Variants in RHOQ observed in about 807,000 individuals in gnomAD.
RHOQ encodes ras homolog family member Q.
RHOQ carries 7 observed loss-of-function variants against 25.8 expected under a neutral mutation model. That is an observed-to-expected ratio of 0.27 (90% CI 0.15 to 0.51). The LOEUF is 0.51. Ranked by LOEUF, RHOQ falls within the 20% of genes least tolerant of loss-of-function variation. The probability of loss-of-function intolerance (pLI) is 0.97; values close to 1 mark genes in which losing one functional copy is unlikely to be tolerated. For synonymous variants in RHOQ, 97 were observed against 98.6 expected (o/e 0.98, Z 0.10); for missense variants, 165 against 260.6 (o/e 0.63, Z 2.53).
intron 2 of RHOQ, among the ~76,000 whole-genome samples, chr2:46,545,283 CAA>C: frequency 6.6e-6 from 1 of 152,260 alleles, no homozygotes. Context: ...TATTGATAAA[CAA>C]GAGGTTGACC....
chr2:46,543,343 C>A (rs1667900733), intron 1 of RHOQ, 155 bp downstream of exon 1: 1 of 749,320 alleles, frequency 1.3e-6, no homozygotes, highest in Non-Finnish European at 2.2e-6. Context: ...CCCGAAGCTT[C>A]GCTCCTGGCA....
rs1012663515 is a variant in RHOQ at position 46,555,963 on chromosome 2, T to G, written c.201+12151T>G. ...GTGTCAAACTGCTTGATATGTAAGTTTCCTCCTCTTTCCTTTGTTTTATTT... is the reference window on the plus strand; with the variant it reads ...GTGTCAAACTGCTTGATATGTAAGTGTCCTCCTCTTTCCTTTGTTTTATTT... On this transcript the variant is annotated intron_variant, in intron 2 of 4. Transcript: ENST00000238738. This position sits in a 1 kb window ranked among gnomAD's most constrained non-coding sequence, Gnocchi z 4.3. Among the ~76,000 whole-genome samples, 24 of 152,116 alleles carry G rather than the reference T, an allele frequency of 1.6e-4. No individual in the cohort carries two copies. Among genetic ancestry groups the G allele is most frequent in the Non-Finnish European group, 3.4e-4 (23 of 68,010 alleles).
intron 2 of RHOQ, among the ~76,000 whole-genome samples, chr2:46,546,454 ATATATATATATATATATATG>A (rs1558680256): frequency 4.4e-4 from 2 of 4,560 alleles, no homozygotes; most frequent in African/African-American, 7.7e-4. Context: ...ACATATACAT[ATATATATATATATATATATG>A]TGTATATATA....
At chr2:46,543,308 C>T in intron 1 of RHOQ, 120 bp downstream of exon 1, 1 of 1,188,392 alleles carries the variant, frequency 8.4e-7, no homozygotes, top group Non-Finnish European at 1.2e-6. Flanking sequence ...CCCGCCGCGC[C>T]CTCTGCCAGG....
At chr2:46,543,679 G>T in intron 1 of RHOQ, 75 bp from the exon 2 acceptor site, 1 of 1,371,274 alleles carries the variant, frequency 7.3e-7, no homozygotes, top group Non-Finnish European at 1.0e-6. Context: ...AGGAGGGTCC[G>T]GGTGGGGAGC....
intron 2 of RHOQ, among the ~76,000 whole-genome samples, chr2:46,559,495 C>T (rs1048143765): frequency 6.6e-6 from 1 of 152,142 alleles, no homozygotes; most frequent in Non-Finnish European, 1.5e-5. Context: ...CTGAGCTTCC[C>T]TGTTGGTCAG....
At chr2:46,562,651 G>A (rs2104005082) in intron 2 of RHOQ, among the ~76,000 whole-genome samples, 1 of 152,304 alleles carries the variant, frequency 6.6e-6, no homozygotes, top group Admixed American at 6.5e-5. Context: ...TGTGCAAAGT[G>A]GGCCGAGAGG....
intron 2 of RHOQ, among the ~76,000 whole-genome samples, chr2:46,553,925 C>T (rs1668329242): frequency 6.6e-6 from 1 of 152,118 alleles, no homozygotes; most frequent in South Asian, 2.1e-4. Context: ...CCGCCAAACC[C>T]CCAACTACAC....
At chr2:46,560,683 G>A (rs1572744131) in intron 2 of RHOQ, 1 of 454,432 alleles carries the variant, frequency 2.2e-6, no homozygotes, top group East Asian at 7.0e-5. Flanking sequence ...CTTACTGTTG[G>A]ACAGAGGTAG....
Position 46,581,113 on chromosome 2 carries a change from C to G in RHOQ, c.*30C>G. Reference sequence around the variant, plus strand: ...CATCTTCAGTGGCCAAGGAAACTGTCCATTTCTCTCAGAAAGCAAATGAAA... The same window carrying G: ...CATCTTCAGTGGCCAAGGAAACTGTGCATTTCTCTCAGAAAGCAAATGAAA... On this transcript the variant is annotated 3_prime_UTR_variant, in exon 5 of 5. Coordinates refer to ENST00000238738, the MANE Select transcript of RHOQ (RefSeq NM_012249.4). 1.4e-6 allele frequency: 2 copies of G among 1,442,868 alleles called. No homozygotes were observed. Among genetic ancestry groups the G allele is most frequent in the South Asian group, 2.9e-5 (2 of 69,730 alleles). The allele number at this position is 1,442,868 out of a possible 1,614,324, so 89.4% of individuals were successfully genotyped here.
At position 46,581,466 on chromosome 2, in the gene RHOQ, C is replaced by T; in HGVS notation, c.*383C>T. ...CAGAATCTGCACAAAGAAATATCTC[C>T]CTTTGCTCCAGTTAATTGTTCTTGT... On this transcript the variant is annotated 3_prime_UTR_variant, in exon 5 of 5. Transcript: ENST00000238738. 1 of 1,609,056 alleles carries T rather than the reference C, an allele frequency of 6.2e-7. No homozygotes were observed. The highest frequency in any genetic ancestry group is 8.5e-7 in the Non-Finnish European group (1 of 1,178,228).
chr2:46,555,151 C>T lies in RHOQ; in HGVS notation c.201+11339C>T, dbSNP rs533264968. On this transcript the variant is annotated intron_variant, in intron 2 of 4. Transcript: ENST00000238738. The surrounding 1 kb of genome is among the most constrained non-coding windows in gnomAD (Gnocchi z 4.3). The stretch of plus-strand genomic sequence containing the variant: ...GAGAGCTTTGGGTATTCATCCACTG[C>T]AGAAAGTGAGAAGTCCAACTGAGGC... Among the ~76,000 whole-genome samples, 3 of 152,238 alleles carry T rather than the reference C, an allele frequency of 2.0e-5. No homozygotes were observed. Among genetic ancestry groups the T allele is most frequent in the African/African-American group, 7.2e-5 (3 of 41,456 alleles).
chr2:46,544,578 T>C (rs1667987580), intron 2 of RHOQ, among the ~76,000 whole-genome samples: 1 of 152,226 alleles, frequency 6.6e-6, no homozygotes, highest in African/African-American at 2.4e-5. Flanking sequence ...GGCCAGGCTG[T>C]GCTTCTAAAG....
At chr2:46,545,911 G>A (rs898789479) in intron 2 of RHOQ, among the ~76,000 whole-genome samples, 1 of 152,082 alleles carries the variant, frequency 6.6e-6, no homozygotes, top group Non-Finnish European at 1.5e-5. Flanking sequence ...TTTTAGTGGA[G>A]GATCATAAGA....
In RHOQ at chr2:46,583,386, G is replaced by GTAATCAT. The variant is rs1260542991; in HGVS notation, c.*2305_*2311dup. Among the ~76,000 whole-genome samples the GTAATCAT allele has an allele frequency of 9.7e-4, 148 of 152,182 alleles. 1 individual carries two copies. The highest frequency in any genetic ancestry group is 1.6e-4 in the Non-Finnish European group (11 of 67,964). ...TATCACAGTAATTTTCTTATTCACA[G>GTAATCAT]TAATCATTGTTGGATGTTACCTTTT... On this transcript the variant is annotated 3_prime_UTR_variant, in exon 5 of 5. Coordinates refer to ENST00000238738, the MANE Select transcript of RHOQ (RefSeq NM_012249.4).
chr2:46,553,374 T>A, intron 2 of RHOQ, among the ~76,000 whole-genome samples: 1 of 152,108 alleles, frequency 6.6e-6, no homozygotes, highest in Non-Finnish European at 1.5e-5. Flanking sequence ...GGCGTAAACA[T>A]TTGTGGGGCA....
rs1388737658 is a variant in RHOQ, at chr2:46,583,544, TG to T, written c.*2462del. Among the ~76,000 whole-genome samples, 4 of 152,194 alleles carry T rather than the reference TG, an allele frequency of 2.6e-5. No homozygotes were observed. Among genetic ancestry groups the T allele is most frequent in the African/African-American group, 4.8e-5 (2 of 41,466 alleles). On this transcript the variant is annotated 3_prime_UTR_variant, in exon 5 of 5. Transcript: ENST00000238738. ...CCTTGATGGGTTTGGAGTTCCCCATTGCTTATCAAGAGCTTTTTAATTGCTT... is the reference window on the plus strand; with the variant it reads ...CCTTGATGGGTTTGGAGTTCCCCATTCTTATCAAGAGCTTTTTAATTGCTT...
intron 2 of RHOQ, among the ~76,000 whole-genome samples, chr2:46,550,222 G>A (rs1385864755): frequency 1.3e-5 from 2 of 151,084 alleles, no homozygotes; most frequent in African/African-American, 2.4e-5. Context: ...AGGCATTAGA[G>A]CGAGACCGTG....
chr2:46,554,294 G>A (rs1346830646), intron 2 of RHOQ, among the ~76,000 whole-genome samples: 2 of 152,110 alleles, frequency 1.3e-5, no homozygotes, highest in African/African-American at 2.4e-5. Context: ...GAGAAGGGCC[G>A]CAGTGCTATC....
Sources: gnomAD v4.1 joint callset for allele counts (sites outside exome capture counted in the v4.1 genomes callset) on GRCh38, gnomAD v4.1.1 for gene constraint, Gnocchi (gnomAD v3.1) non-coding constraint, MANE v1.5 for transcripts, NCBI Gene and HGNC (gene_info 2026-07-23, HGNC 2026-07-21) for gene names.